DOCK2: variants seen among roughly 807,000 people sequenced by gnomAD.
The protein encoded by DOCK2 is dedicator of cytokinesis 2, also known as dedicator of cytokinesis protein 2.
In DOCK2, 87 loss-of-function variants were observed where a neutral mutation model predicts 248.9. That is an observed-to-expected ratio of 0.35 (90% CI 0.29 to 0.42). DOCK2 has a LOEUF of 0.42. DOCK2 is among the 10% of genes least tolerant of loss of function. DOCK2 has a pLI of 1.00. For synonymous variants in DOCK2, 805 were observed against 821.6 expected, an observed-to-expected ratio of 0.98 and a Z score of 0.35; for missense variants, 1,747 against 2,300.2, an observed-to-expected ratio of 0.76 and a Z score of 4.92.
At chr5:170,008,225 CAAAAAA>C (rs60090712) in intron 30 of DOCK2, among the ~76,000 whole-genome samples, 1 of 113,884 alleles carries the variant, frequency 8.8e-6, no homozygotes, top group African/African-American at 3.0e-5. Flanking sequence ...ACAACAACAA[CAAAAAA>C]AAAAAAACCT....
intron 27 of DOCK2, among the ~76,000 whole-genome samples, chr5:169,926,410 T>G (rs1775459101): frequency 6.6e-6 from 1 of 152,232 alleles, no homozygotes; most frequent in South Asian, 2.1e-4. Flanking sequence ...GCATTACTGT[T>G]AACAAATAGG....
At chr5:169,700,551 A>G (rs1467800450) in intron 13 of DOCK2, among the ~76,000 whole-genome samples, 1 of 152,024 alleles carries the variant, frequency 6.6e-6, no homozygotes, top group Non-Finnish European at 1.5e-5. Context: ...TATATTACCA[A>G]AGGAATTTGT....
chr5:169,808,593 C>CT (rs1165725922), intron 26 of DOCK2, among the ~76,000 whole-genome samples: 1 of 151,944 alleles, frequency 6.6e-6, no homozygotes, highest in African/African-American at 2.4e-5. Flanking sequence ...CTTTTCTCCC[C>CT]CCTCACTGAG....
At chr5:169,721,589 T>G (rs201120283) in intron 22 of DOCK2, among the ~76,000 whole-genome samples, 1 of 152,226 alleles carries the variant, frequency 6.6e-6, no homozygotes, top group Non-Finnish European at 1.5e-5. Flanking sequence ...TGGGGCTAAT[T>G]GTATCTGGTA....
At chr5:169,838,520 G>A (rs1022332358) in intron 26 of DOCK2, among the ~76,000 whole-genome samples, 1 of 152,164 alleles carries the variant, frequency 6.6e-6, no homozygotes, top group Non-Finnish European at 1.5e-5. Flanking sequence ...AGAAATAGGA[G>A]ACTGTAAGTC....
intron 27 of DOCK2, among the ~76,000 whole-genome samples, chr5:169,876,776 G>A (rs1772361483): frequency 6.6e-6 from 1 of 152,176 alleles, no homozygotes; most frequent in Non-Finnish European, 1.5e-5. Flanking sequence ...AGGAGTGGTG[G>A]TGTACACTAA....
intron 44 of DOCK2, among the ~76,000 whole-genome samples, chr5:170,062,585 T>C (rs1212441092): frequency 6.6e-6 from 1 of 152,144 alleles, no homozygotes; most frequent in African/African-American, 2.4e-5. Context: ...ACCCTAATTC[T>C]AAGGTTCCCC....
At chr5:169,759,453 G>C (rs1259207958) in intron 23 of DOCK2, among the ~76,000 whole-genome samples, 2 of 152,220 alleles carry the variant, frequency 1.3e-5, no homozygotes, top group Non-Finnish European at 2.9e-5. Context: ...CAGATCTATA[G>C]AACTACAAGG....
intron 27 of DOCK2, among the ~76,000 whole-genome samples, chr5:169,966,593 C>T (rs1216601481): frequency 6.6e-6 from 1 of 152,102 alleles, no homozygotes; most frequent in Non-Finnish European, 1.5e-5. Flanking sequence ...TTCAAATCAC[C>T]ACACTCAGCA....
intron 25 of DOCK2, among the ~76,000 whole-genome samples, chr5:169,767,030 A>T (rs540001533): frequency 2.2e-4 from 34 of 152,322 alleles, no homozygotes; most frequent in African/African-American, 8.2e-4. Flanking sequence ...TGCTGGGATT[A>T]TGGGCATGGG....
At chr5:169,739,091 C>A (rs1483927538) in intron 22 of DOCK2, among the ~76,000 whole-genome samples, 2 of 152,212 alleles carry the variant, frequency 1.3e-5, no homozygotes, top group African/African-American at 4.8e-5. Context: ...AATCACTTAA[C>A]TACACACACC....
At position 170,076,071 on chromosome 5, in the gene DOCK2, G is replaced by A; in HGVS notation, c.4853G>A (p.Gly1618Asp). 1 of 1,613,704 alleles carries A rather than the reference G, an allele frequency of 6.2e-7. No individual in the cohort carries two copies. Among genetic ancestry groups the A allele is most frequent in the South Asian group, 1.1e-5 (1 of 91,066 alleles). ...AAAATGAAGGTGGAGAAGGAGTACG[G>A]TGTCCGAGAGATGGTATGGGTGGTT... ...NLKMKVEKEY[G>D]VREMPDFDDR... The change falls in exon 47 of 52, where the codon GGT (glycine) becomes GAT (aspartate). Residue 1618 changes from glycine to aspartate, a missense_variant. By Grantham distance (94) the Gly-to-Asp change is moderately conservative. Around this residue, in one of 4 missense-constraint regions of DOCK2, gnomAD observed 513 missense variants for 586.1 expected, o/e 0.88. Transcript: ENST00000520908.
intron 26 of DOCK2, among the ~76,000 whole-genome samples, chr5:169,819,712 A>G (rs1051562618): frequency 2.0e-5 from 3 of 152,210 alleles, no homozygotes; most frequent in Non-Finnish European, 4.4e-5. Context: ...AAGACGGGTG[A>G]TTTCTGCCTT....
At chr5:169,809,826 C>G (rs1767627568) in intron 26 of DOCK2, among the ~76,000 whole-genome samples, 1 of 152,236 alleles carries the variant, frequency 6.6e-6, no homozygotes, top group African/African-American at 2.4e-5. Context: ...GTTCACACTG[C>G]CTGAATGCAT....
chr5:169,755,573 T>C (rs1257051982), intron 23 of DOCK2, among the ~76,000 whole-genome samples: 1 of 151,930 alleles, frequency 6.6e-6, no homozygotes, highest in Non-Finnish European at 1.5e-5. Flanking sequence ...TGAAATCCTG[T>C]CTCTACTATA....
At chr5:170,034,282 G>T in intron 34 of DOCK2, 117 bp from the exon 35 acceptor site, 2 of 1,287,404 alleles carry the variant, frequency 1.6e-6, no homozygotes, top group East Asian at 4.8e-5. Flanking sequence ...AAAAGGAGCA[G>T]TCAGGGAACT....
At chr5:169,949,582 C>G (rs956293823) in intron 27 of DOCK2, among the ~76,000 whole-genome samples, 2 of 150,914 alleles carry the variant, frequency 1.3e-5, no homozygotes, top group African/African-American at 2.5e-5. Context: ...AGCACAGCAG[C>G]TTTTTAATGG....
At chr5:169,805,793 C>T (rs1767321443) in intron 26 of DOCK2, among the ~76,000 whole-genome samples, 8 of 152,196 alleles carry the variant, frequency 5.3e-5, no homozygotes, top group Admixed American at 5.2e-4. Flanking sequence ...GTGGGAGGCT[C>T]TGAGCTCCCC....
chr5:169,964,453 A>G (rs544080423), intron 27 of DOCK2, among the ~76,000 whole-genome samples: 1 of 152,368 alleles, frequency 6.6e-6, no homozygotes, highest in Admixed American at 6.5e-5. Flanking sequence ...GGGAGGGGGC[A>G]GCTAGACGCA....
Sources: allele counts gnomAD v4.1 joint callset (sites outside exome capture counted in the v4.1 genomes callset), GRCh38; gene constraint gnomAD v4.1.1; regional missense constraint gnomAD v4.1.1; transcripts MANE v1.5; gene names NCBI Gene and HGNC (gene_info 2026-07-23, HGNC 2026-07-21).